The following SLC9A9 variants were observed in gnomAD, a reference collection of about 807,000 sequenced individuals.
The protein encoded by SLC9A9 is sodium/hydrogen exchanger 9.
In SLC9A9, 62 loss-of-function variants were observed where a neutral mutation model predicts 77.8. The observed-to-expected ratio is 0.80, with a 90% CI of 0.65 to 0.98. SLC9A9 has a LOEUF of 0.98. Among genes scored for constraint, SLC9A9 ranks in the 50% least tolerant of loss-of-function variants. The pLI, the probability that SLC9A9 is intolerant of heterozygous loss-of-function variation, is 0.00. For synonymous variants in SLC9A9, 320 were observed against 283.5 expected, an observed-to-expected ratio of 1.13 and a Z score of -1.29; for missense variants, 775 against 774.9, an observed-to-expected ratio of 1.00 and a Z score of 0.00.
intron 6 of SLC9A9, among the ~76,000 whole-genome samples, chr3:143,618,526 C>T (rs1440600473): frequency 6.6e-6 from 1 of 152,132 alleles, no homozygotes; most frequent in Non-Finnish European, 1.5e-5. Context: ...AAAGACAGTA[C>T]AAAGTTCATT....
chr3:143,762,257 G>A (rs2007156455), intron 4 of SLC9A9, among the ~76,000 whole-genome samples: 1 of 152,140 alleles, frequency 6.6e-6, no homozygotes, highest in African/African-American at 2.4e-5. Context: ...GAGTTAATGG[G>A]TGCAGCACAC....
At chr3:143,407,348 C>T (rs1241282967) in intron 12 of SLC9A9, among the ~76,000 whole-genome samples, 1 of 152,008 alleles carries the variant, frequency 6.6e-6, no homozygotes, top group Non-Finnish European at 1.5e-5. Context: ...AATTGAGTGG[C>T]AAAATCTTAG....
chr3:143,552,216 A>G, intron 9 of SLC9A9, 146 bp downstream of exon 9: 1 of 611,932 alleles, frequency 1.6e-6, no homozygotes, highest in Non-Finnish European at 2.8e-6. Flanking sequence ...AGGGAAAAAA[A>G]TCTATAAATA....
At chr3:143,583,084 T>G (rs908186302) in intron 6 of SLC9A9, among the ~76,000 whole-genome samples, 5 of 152,148 alleles carry the variant, frequency 3.3e-5, no homozygotes, top group African/African-American at 9.6e-5. Context: ...GCAGGGAAGG[T>G]TGAGGCTGTA....
At chr3:143,308,899 G>A (rs1413386120) in intron 14 of SLC9A9, among the ~76,000 whole-genome samples, 4 of 152,112 alleles carry the variant, frequency 2.6e-5, no homozygotes, top group African/African-American at 7.2e-5. Context: ...AAGTGTATCT[G>A]GTGATCTTTT....
At chr3:143,399,614 G>A (rs912881256) in intron 12 of SLC9A9, among the ~76,000 whole-genome samples, 6 of 152,104 alleles carry the variant, frequency 3.9e-5, no homozygotes, top group Non-Finnish European at 7.4e-5. Flanking sequence ...TGAAGACTAC[G>A]GAAAGTGCAC....
intron 6 of SLC9A9, among the ~76,000 whole-genome samples, chr3:143,618,597 G>A (rs1279123906): frequency 2.0e-5 from 3 of 152,180 alleles, no homozygotes; most frequent in Admixed American, 1.3e-4. Context: ...CTGCTGGTGA[G>A]AGAGAGGTGG....
chr3:143,521,112 T>G (rs563445892), intron 9 of SLC9A9, among the ~76,000 whole-genome samples: 2 of 152,194 alleles, frequency 1.3e-5, no homozygotes, highest in Non-Finnish European at 2.9e-5. Context: ...GGTAATCAAA[T>G]TGACCAATCT....
intron 5 of SLC9A9, among the ~76,000 whole-genome samples, chr3:143,669,038 C>T (rs2039119410): frequency 6.6e-6 from 1 of 152,132 alleles, no homozygotes; most frequent in Admixed American, 6.6e-5. Flanking sequence ...TCCTAGGTAC[C>T]TTTCTCTTAA....
intron 4 of SLC9A9, among the ~76,000 whole-genome samples, chr3:143,723,486 T>C (rs891314753): frequency 6.6e-6 from 1 of 152,138 alleles, no homozygotes; most frequent in Non-Finnish European, 1.5e-5. Flanking sequence ...GGACACAAGA[T>C]GATTTTCATA....
chr3:143,730,889 G>A (rs960711181), intron 4 of SLC9A9, among the ~76,000 whole-genome samples: 2 of 152,062 alleles, frequency 1.3e-5, no homozygotes, highest in Non-Finnish European at 2.9e-5. Context: ...AAGGTTTATC[G>A]CTAAAGAGGC....
intron 9 of SLC9A9, among the ~76,000 whole-genome samples, chr3:143,536,836 C>T (rs2036597259): frequency 6.6e-6 from 1 of 152,148 alleles, no homozygotes; most frequent in Admixed American, 6.5e-5. Flanking sequence ...TACAGGACTC[C>T]CCAAAGGGAT....
At chr3:143,712,755 G>C (rs1024874164) in intron 4 of SLC9A9, among the ~76,000 whole-genome samples, 10 of 152,168 alleles carry the variant, frequency 6.6e-5, no homozygotes, top group Non-Finnish European at 1.2e-4. Context: ...AGTTGAGAAA[G>C]GCTTCAATGT....
At chr3:143,276,601 G>T (rs9857170) in intron 14 of SLC9A9, among the ~76,000 whole-genome samples, 52,377 of 151,944 alleles carry the variant, frequency 0.34, 11,402 homozygotes, top group African/African-American at 0.62. Flanking sequence ...CATGATCTAG[G>T]TAGATTTTGA....
At position 143,383,038 on chromosome 3, in the gene SLC9A9, T is replaced by C. The variant is rs562833333; in HGVS notation, c.1470-924A>G. 2.0e-5 allele frequency among the ~76,000 whole-genome samples: 3 copies of C among 152,370 alleles called. No homozygotes were observed. In the South Asian group the frequency reaches 6.2e-4, roughly 32 times the overall value. ...TTCTGATAATTTTTATTTTATGCAA[T>C]TCCCATAAGCAATGCACAGTGTACT... is the stretch of plus-strand genomic sequence containing the variant. On this transcript the variant is annotated intron_variant, in intron 12 of 15. Transcript: ENST00000316549.
intron 14 of SLC9A9, among the ~76,000 whole-genome samples, chr3:143,348,782 T>TAGG (rs2032371096): frequency 6.6e-6 from 1 of 152,192 alleles, no homozygotes; most frequent in South Asian, 2.1e-4. Context: ...GTCAAGGTCT[T>TAGG]AGGAGTTCAT....
chr3:143,552,337 G>A (rs2036904744), intron 9 of SLC9A9, 25 bp downstream of exon 9: 2 of 1,552,766 alleles, frequency 1.3e-6, no homozygotes, highest in Non-Finnish European at 1.8e-6. Context: ...AAGAGACCAA[G>A]TCTGTAGTAA....
intron 12 of SLC9A9, among the ~76,000 whole-genome samples, chr3:143,394,387 T>C (rs569013191): frequency 6.6e-6 from 1 of 152,224 alleles, no homozygotes; most frequent in South Asian, 2.1e-4. Context: ...AAAAGGCCTT[T>C]GACAAAATTC....
intron 12 of SLC9A9, among the ~76,000 whole-genome samples, chr3:143,417,540 T>G (rs1576483333): frequency 1.0e-4 from 14 of 137,100 alleles, no homozygotes; most frequent in South Asian, 2.4e-4. Context: ...GAAAAAGGGA[T>G]GGATGGAGGG....
Sources: allele counts gnomAD v4.1 joint callset (sites outside exome capture counted in the v4.1 genomes callset), GRCh38; gene constraint gnomAD v4.1.1; transcripts MANE v1.5; gene names NCBI Gene and HGNC (gene_info 2026-07-23, HGNC 2026-07-21).